The following RSBN1L variants were observed in gnomAD, a reference collection of about 807,000 sequenced individuals.
RSBN1L encodes the protein lysine-specific demethylase RSBN1L.
Under a neutral mutation model 67.7 loss-of-function variants are expected in RSBN1L, and 30 were observed. That is an observed-to-expected ratio of 0.44 (90% CI 0.33 to 0.60). RSBN1L has a LOEUF of 0.60. Ranked by LOEUF, RSBN1L falls within the 20% of genes least tolerant of loss-of-function variation. RSBN1L has a pLI of 0.02. For missense variants in RSBN1L, 992 were observed against 1,031.7 expected (o/e 0.96, Z 0.53); for synonymous variants, 433 against 387.0 (o/e 1.12, Z -1.39).
chr7:77,702,279 TA>T, intron 1 of RSBN1L, among the ~76,000 whole-genome samples: 1 of 152,344 alleles, frequency 6.6e-6, no homozygotes, highest in African/African-American at 2.4e-5. Flanking sequence ...TTTAAGCCTT[TA>T]ATAAGAATTT....
At position 77,760,963 on chromosome 7, in the gene RSBN1L, T is replaced by C. The variant is rs188592673; in HGVS notation, c.1345-4532T>C. On this transcript the variant is annotated intron_variant, in intron 3 of 7. Transcript: ENST00000334955. ...AAGCAGTGACATGTTTTGACTTTTT[T>C]TCAGGTTAATTTTTTAACTACACCA... Among the ~76,000 whole-genome samples, 395 of 152,358 alleles carry C rather than the reference T, an allele frequency of 2.6e-3. 2 individuals carry two copies. The highest frequency in any genetic ancestry group is 8.9e-3 in the African/African-American group (372 of 41,580).
chr7:77,779,005 T>C lies in RSBN1L; in HGVS notation c.2378T>C (p.Val793Ala). The change falls in exon 8 of 8, where the codon GTT becomes GCT. Residue 793 changes from valine (V) to alanine (A), a missense_variant. By Grantham distance (64) the Val-to-Ala change is moderately conservative. Coordinates refer to ENST00000334955, the MANE Select transcript of RSBN1L (RefSeq NM_198467.3). Reference protein sequence around the residue: ...GKNVKAKLDHVQFAEFKIDMD... With the variant: ...GKNVKAKLDHAQFAEFKIDMD... ...AATGTTAAAGCAAAATTGGATCATGTTCAATTTGCAGAATTTAAGATTGAC... is the reference window on the plus strand; with the variant it reads ...AATGTTAAAGCAAAATTGGATCATGCTCAATTTGCAGAATTTAAGATTGAC... 6.2e-7 allele frequency: 1 copy of C among 1,614,076 alleles called. No individual in the cohort carries two copies. The highest frequency in any genetic ancestry group is 8.5e-7 in the Non-Finnish European group (1 of 1,179,976).
chr7:77,749,014 G>C (rs779458162), intron 2 of RSBN1L, among the ~76,000 whole-genome samples: 4 of 152,082 alleles, frequency 2.6e-5, no homozygotes, highest in Non-Finnish European at 5.9e-5. Context: ...CCAGCACTTC[G>C]GGAGGCCGAA....
intron 1 of RSBN1L, among the ~76,000 whole-genome samples, chr7:77,707,414 A>G (rs1275514041): frequency 1.3e-5 from 2 of 152,236 alleles, no homozygotes; most frequent in African/African-American, 2.4e-5. Context: ...TAATCTGAAG[A>G]AAAAATATAT....
At chr7:77,732,567 C>T (rs1356057945) in intron 1 of RSBN1L, among the ~76,000 whole-genome samples, 1 of 152,168 alleles carries the variant, frequency 6.6e-6, no homozygotes, top group Non-Finnish European at 1.5e-5. Flanking sequence ...CTCCTGATAT[C>T]AGACAATCCA....
intron 5 of RSBN1L, among the ~76,000 whole-genome samples, chr7:77,770,971 C>T (rs1210282742): frequency 6.6e-6 from 1 of 152,154 alleles, no homozygotes; most frequent in Non-Finnish European, 1.5e-5. Flanking sequence ...GAGACTGAGT[C>T]TTGCTCTGTC....
chr7:77,708,402 A>G (rs1790923670), intron 1 of RSBN1L, among the ~76,000 whole-genome samples: 1 of 130,572 alleles, frequency 7.7e-6, no homozygotes, highest in African/African-American at 3.1e-5. Flanking sequence ...TTTTTTTTTG[A>G]GATAAGTCTC....
intron 1 of RSBN1L, among the ~76,000 whole-genome samples, chr7:77,701,157 A>T (rs575401724): frequency 1.8e-5 from 2 of 111,578 alleles, no homozygotes; most frequent in African/African-American, 8.3e-5. Context: ...GGCTCAAAAA[A>T]AAAAAAAAAA....
At chr7:77,762,300 A>G (rs1791705878) in intron 3 of RSBN1L, among the ~76,000 whole-genome samples, 2 of 152,162 alleles carry the variant, frequency 1.3e-5, no homozygotes. Flanking sequence ...TTTTAATAGG[A>G]CCATACTTAA....
intron 6 of RSBN1L, among the ~76,000 whole-genome samples, chr7:77,776,820 TATC>T (rs1791920752): frequency 6.6e-6 from 1 of 152,136 alleles, no homozygotes; most frequent in African/African-American, 2.4e-5. Flanking sequence ...TGTAGATAGA[TATC>T]ATATAGTTGG....
At chr7:77,704,952 A>G (rs1197384935) in intron 1 of RSBN1L, among the ~76,000 whole-genome samples, 1 of 151,670 alleles carries the variant, frequency 6.6e-6, no homozygotes, top group Non-Finnish European at 1.5e-5. Flanking sequence ...ACCCTGGGCG[A>G]CAGGCAACAA....
chr7:77,734,993 A>G (rs1377537678), intron 1 of RSBN1L, among the ~76,000 whole-genome samples: 1 of 151,656 alleles, frequency 6.6e-6, no homozygotes, highest in South Asian at 2.1e-4. Context: ...CAGACTGTGT[A>G]TTTGTTGAGT....
chr7:77,726,460 T>G (rs1204545649), intron 1 of RSBN1L, among the ~76,000 whole-genome samples: 1 of 152,212 alleles, frequency 6.6e-6, no homozygotes, highest in Non-Finnish European at 1.5e-5. Context: ...TCCTCATGAT[T>G]AGACTGGAGT....
At chr7:77,735,730 A>G (rs1791325559) in intron 1 of RSBN1L, among the ~76,000 whole-genome samples, 1 of 152,106 alleles carries the variant, frequency 6.6e-6, no homozygotes, top group Admixed American at 6.6e-5. Context: ...TGCTGGGTGC[A>G]TAGGAAGTCA....
In RSBN1L at chr7:77,782,899, C is replaced by T. The variant is rs1035981710; in HGVS notation, c.*3731C>T. ...ATTATTTTTTGGACAGGTTCATTGT[C>T]ATGTAAAACAAATATCTCAAAATTC... On this transcript the variant is annotated 3_prime_UTR_variant, in exon 8 of 8. Transcript: ENST00000334955. 3.3e-5 allele frequency: 5 copies of T among 152,014 alleles called. No individual in the cohort carries two copies. Among genetic ancestry groups the T allele is most frequent in the Non-Finnish European group, 7.4e-5 (5 of 67,992 alleles). The allele number at this position is 152,014 out of a possible 1,614,324, so 9.4% of individuals were successfully genotyped here. A position where few individuals can be genotyped will look rare whatever the true frequency, so the allele number is the denominator to read the frequency against.
intron 1 of RSBN1L, among the ~76,000 whole-genome samples, chr7:77,718,860 G>GCT (rs1219045481): frequency 6.6e-6 from 1 of 152,180 alleles, no homozygotes; most frequent in African/African-American, 2.4e-5. Flanking sequence ...GACTGGAGTT[G>GCT]CTCATTGGTG....
At chr7:77,773,034 A>G (rs918019646) in intron 5 of RSBN1L, 113 bp from the exon 6 acceptor site, 2 of 555,394 alleles carry the variant, frequency 3.6e-6, no homozygotes, top group Non-Finnish European at 6.0e-6. Context: ...TAAAGATAGA[A>G]TTTGATTTGA....
chr7:77,774,002 TAC>T (rs1791879557), intron 6 of RSBN1L, among the ~76,000 whole-genome samples: 1 of 152,228 alleles, frequency 6.6e-6, no homozygotes. Context: ...TAATTTTTTT[TAC>T]AGTCATATAG....
chr7:77,712,286 GA>G (rs199966989), intron 1 of RSBN1L, among the ~76,000 whole-genome samples: 12 of 150,014 alleles, frequency 8.0e-5, no homozygotes, highest in Non-Finnish European at 1.5e-4. Flanking sequence ...ATACATACAT[GA>G]TTTTTTTTTT....
Sources: allele counts gnomAD v4.1 joint callset (sites outside exome capture counted in the v4.1 genomes callset), GRCh38; gene constraint gnomAD v4.1.1; transcripts MANE v1.5; gene names NCBI Gene and HGNC (gene_info 2026-07-23, HGNC 2026-07-21).